The following RNF180 variants were observed in gnomAD, a reference collection of about 807,000 sequenced individuals.
RNF180 encodes the protein E3 ubiquitin-protein ligase RNF180.
A neutral mutation model predicts 59.2 loss-of-function variants in RNF180; 38 were observed. The ratio of observed to expected loss-of-function variants is 0.64; its 90% CI spans 0.50 to 0.84. RNF180 has a LOEUF of 0.84. Ranked by LOEUF, RNF180 falls within the 40% of genes least tolerant of loss-of-function variation. The pLI, the probability that RNF180 is intolerant of heterozygous loss-of-function variation, is 0.00. For missense variants in RNF180, 705 were observed against 700.9 expected (o/e 1.01, Z -0.07); for synonymous variants, 262 against 240.3 (o/e 1.09, Z -0.84).
At chr5:64,364,350 T>G (rs901677834) in intron 7 of RNF180, among the ~76,000 whole-genome samples, 2 of 151,800 alleles carry the variant, frequency 1.3e-5, no homozygotes, top group Admixed American at 1.3e-4. Flanking sequence ...TTGTCTTTAG[T>G]TCTGTTTATG....
chr5:64,206,441 A>G (rs1752020739), intron 2 of RNF180, among the ~76,000 whole-genome samples: 1 of 152,014 alleles, frequency 6.6e-6, no homozygotes, highest in African/African-American at 2.4e-5. Context: ...CTCCTCCCTC[A>G]TGTTTTTTGG....
At chr5:64,229,571 C>G (rs1008485513) in intron 5 of RNF180, among the ~76,000 whole-genome samples, 3 of 152,170 alleles carry the variant, frequency 2.0e-5, no homozygotes, top group Non-Finnish European at 4.4e-5. Context: ...AAGAATCTGT[C>G]AATGCTTTTG....
chr5:64,177,565 A>ATATATT (rs1184255289), intron 1 of RNF180, among the ~76,000 whole-genome samples: 2 of 128,056 alleles, frequency 1.6e-5, no homozygotes, highest in East Asian at 4.5e-4. Flanking sequence ...ATATATATAT[A>ATATATT]TGTATTTATT....
At chr5:64,339,403 A>G (rs998732738) in intron 7 of RNF180, among the ~76,000 whole-genome samples, 3 of 150,690 alleles carry the variant, frequency 2.0e-5, no homozygotes, top group Non-Finnish European at 4.4e-5. Context: ...CTTCATTTCT[A>G]ATTATTTTTT....
chr5:64,260,900 T>G (rs1246188566), intron 5 of RNF180, among the ~76,000 whole-genome samples: 1 of 152,102 alleles, frequency 6.6e-6, no homozygotes, highest in Non-Finnish European at 1.5e-5. Flanking sequence ...TGTATGTTCT[T>G]TCCGTCATGA....
intron 5 of RNF180, among the ~76,000 whole-genome samples, chr5:64,241,491 A>C (rs1445494757): frequency 6.6e-6 from 1 of 152,240 alleles, no homozygotes; most frequent in Non-Finnish European, 1.5e-5. Context: ...ATTTTAGTAC[A>C]TAAGGAAATG....
intron 6 of RNF180, among the ~76,000 whole-genome samples, chr5:64,328,596 C>T (rs1259754677): frequency 6.6e-6 from 1 of 152,106 alleles, no homozygotes; most frequent in Non-Finnish European, 1.5e-5. Context: ...TATGCTGGTT[C>T]GTGGGTGTGC....
intron 4 of RNF180, among the ~76,000 whole-genome samples, chr5:64,216,967 T>C (rs948102051): frequency 6.6e-6 from 1 of 152,222 alleles, no homozygotes; most frequent in Non-Finnish European, 1.5e-5. Context: ...CTCAAAACTC[T>C]CTTGTGCTAT....
At chr5:64,290,229 G>T (rs1188385108) in intron 5 of RNF180, among the ~76,000 whole-genome samples, 1 of 151,808 alleles carries the variant, frequency 6.6e-6, no homozygotes, top group African/African-American at 2.4e-5. Flanking sequence ...CTAAGATTTT[G>T]CTGTGGTCTG....
At chr5:64,198,581 G>A (rs1751571714) in intron 1 of RNF180, among the ~76,000 whole-genome samples, 1 of 152,128 alleles carries the variant, frequency 6.6e-6, no homozygotes, top group Admixed American at 6.5e-5. Context: ...TCAGGGAGAA[G>A]AGGGCAGGTA....
intron 4 of RNF180, 33 bp from the exon 5 acceptor site, chr5:64,217,328 T>G: frequency 7.3e-7 from 1 of 1,377,340 alleles, no homozygotes; most frequent in Non-Finnish European, 9.4e-7. Flanking sequence ...CATGTGCTTA[T>G]TTTTGTGTGA....
At chr5:64,250,797 A>G (rs1002161409) in intron 5 of RNF180, among the ~76,000 whole-genome samples, 1 of 152,176 alleles carries the variant, frequency 6.6e-6, no homozygotes, top group African/African-American at 2.4e-5. Flanking sequence ...ACTAATACCA[A>G]ATCTTCTCAA....
At chr5:64,361,192 A>G (rs372606737) in intron 7 of RNF180, among the ~76,000 whole-genome samples, 2 of 151,520 alleles carry the variant, frequency 1.3e-5, no homozygotes, top group Non-Finnish European at 3.0e-5. Flanking sequence ...ACAGAATACT[A>G]TAGACCAATC....
At chr5:64,292,133 A>G (rs368341185) in intron 5 of RNF180, among the ~76,000 whole-genome samples, 1 of 152,058 alleles carries the variant, frequency 6.6e-6, no homozygotes, top group Non-Finnish European at 1.5e-5. Flanking sequence ...GCTTCCATCA[A>G]TTCAGCCATC....
chr5:64,327,550 G>A (rs1744703122), intron 6 of RNF180, among the ~76,000 whole-genome samples: 1 of 152,112 alleles, frequency 6.6e-6, no homozygotes, highest in Middle Eastern at 3.4e-3. Context: ...TCATTCAGGA[G>A]CATATTGTTC....
chr5:64,275,878 T>G (rs1371277381), intron 5 of RNF180, among the ~76,000 whole-genome samples: 1 of 152,104 alleles, frequency 6.6e-6, no homozygotes, highest in Non-Finnish European at 1.5e-5. Flanking sequence ...ACCCTAAGCA[T>G]GAGAAAATTC....
At chr5:64,245,264 A>G (rs1033899301) in intron 5 of RNF180, among the ~76,000 whole-genome samples, 1 of 152,226 alleles carries the variant, frequency 6.6e-6, no homozygotes, top group Non-Finnish European at 1.5e-5. Flanking sequence ...ATTCACACAT[A>G]ACAATATTAA....
At chr5:64,180,677 A>G (rs1212762709) in intron 1 of RNF180, among the ~76,000 whole-genome samples, 2 of 152,142 alleles carry the variant, frequency 1.3e-5, no homozygotes, top group Non-Finnish European at 2.9e-5. Flanking sequence ...CAAGATATAA[A>G]CAACCTGATA....
At chr5:64,281,213 G>C (rs144721962) in intron 5 of RNF180, among the ~76,000 whole-genome samples, 80 of 152,322 alleles carry the variant, frequency 5.3e-4, no homozygotes, top group Non-Finnish European at 1.1e-3. Flanking sequence ...GGCAGAGACT[G>C]TGGGGTTTTC....
Sources: gnomAD v4.1 joint callset for allele counts (sites outside exome capture counted in the v4.1 genomes callset) on GRCh38, gnomAD v4.1.1 for gene constraint, MANE v1.5 for transcripts, NCBI Gene and HGNC (gene_info 2026-07-23, HGNC 2026-07-21) for gene names.